The following ATP6V0D1 variants were observed in gnomAD, a reference collection of about 807,000 sequenced individuals.
The protein encoded by ATP6V0D1 is V-type proton ATPase subunit d 1.
Under a neutral mutation model 39.0 loss-of-function variants are expected in ATP6V0D1, and 13 were observed. The ratio of observed to expected loss-of-function variants is 0.33; its 90% CI spans 0.22 to 0.53. The LOEUF is 0.53. Ranked by LOEUF, ATP6V0D1 falls within the 20% of genes least tolerant of loss-of-function variation. ATP6V0D1 has a pLI of 0.94. For missense variants in ATP6V0D1, 272 were observed against 470.9 expected, an observed-to-expected ratio of 0.58 and a Z score of 3.91; for synonymous variants, 191 against 191.2, an observed-to-expected ratio of 1.00 and a Z score of 0.01.
At chr16:67,459,130 G>A (rs2041268654) in intron 1 of ATP6V0D1, 57 of 985,554 alleles carry the variant, frequency 5.8e-5, no homozygotes, top group Non-Finnish European at 6.6e-5. Context: ...AGTGCTACTT[G>A]CTGGCCAGAG....
In ATP6V0D1 at chr16:67,447,028, C is replaced by T. The variant is rs1281325391; in HGVS notation, c.303-2322G>A. ...GGGCCCCCTGCCTGGCTCTACATAC[C>T]CCACCTAGTCTCATTTTCTCAGAGG... On this transcript the variant is annotated intron_variant, in intron 2 of 7. Coordinates refer to ENST00000290949, the MANE Select transcript of ATP6V0D1 (RefSeq NM_004691.5). The surrounding 1 kb of genome is among the most constrained non-coding windows in gnomAD (Gnocchi z 4.1). 2.0e-5 allele frequency among the ~76,000 whole-genome samples: 3 copies of T among 152,138 alleles called. No individual in the cohort carries two copies. Among genetic ancestry groups the T allele is most frequent in the Non-Finnish European group, 2.9e-5 (2 of 68,024 alleles).
At chr16:67,465,546 G>A (rs2041322226) in intron 1 of ATP6V0D1, among the ~76,000 whole-genome samples, 1 of 152,204 alleles carries the variant, frequency 6.6e-6, no homozygotes, top group Non-Finnish European at 1.5e-5. Context: ...GCTCCTACTT[G>A]GAGCTCCCAA....
At chr16:67,471,652 T>C (rs750016518) in intron 1 of ATP6V0D1, among the ~76,000 whole-genome samples, 29 of 152,008 alleles carry the variant, frequency 1.9e-4, no homozygotes, top group Non-Finnish European at 3.5e-4. Context: ...TCAGAGCAAG[T>C]TTCTTTTTTA....
At chr16:67,454,345 C>G (rs993181863) in intron 1 of ATP6V0D1, among the ~76,000 whole-genome samples, 5 of 152,110 alleles carry the variant, frequency 3.3e-5, no homozygotes, top group African/African-American at 1.2e-4. Flanking sequence ...GGAGGTGAGG[C>G]TGGCAGGAAA....
intron 1 of ATP6V0D1, among the ~76,000 whole-genome samples, chr16:67,459,644 T>A (rs2041273762): frequency 6.6e-6 from 1 of 152,248 alleles, no homozygotes; most frequent in South Asian, 2.1e-4. Flanking sequence ...TGGGCAGCCC[T>A]GCCCCCGCCC....
chr16:67,449,515 G>T (rs182138252), intron 2 of ATP6V0D1, among the ~76,000 whole-genome samples: 13 of 152,370 alleles, frequency 8.5e-5, no homozygotes, highest in East Asian at 7.7e-4. Flanking sequence ...AACTGAGCCA[G>T]ATCCTCTCAA....
intron 1 of ATP6V0D1, among the ~76,000 whole-genome samples, chr16:67,476,350 G>A (rs1486537251): frequency 6.6e-6 from 1 of 151,876 alleles, no homozygotes; most frequent in East Asian, 1.9e-4. Flanking sequence ...GCATCAATAA[G>A]ATTAATCAAC....
chr16:67,441,595 C>T (rs1316105305), intron 4 of ATP6V0D1: 1 of 152,244 alleles, frequency 6.6e-6, no homozygotes, highest in Non-Finnish European at 1.5e-5. Context: ...TGCTCTCTCT[C>T]CTCTCAGCTA....
At position 67,477,289 on chromosome 16, in the gene ATP6V0D1, G is replaced by A. The variant is rs188588127; in HGVS notation, c.130+3668C>T. ...GAGAGAGTATCAACTGAAATGTATG[G>A]ATCATATTTGCATCCCAATTGAAAC... On this transcript the variant is annotated intron_variant, in intron 1 of 7. Transcript: ENST00000290949. Among the ~76,000 whole-genome samples, 4 of 152,186 alleles carry A rather than the reference G, an allele frequency of 2.6e-5. No individual in the cohort carries two copies. In the East Asian group the frequency reaches 7.7e-4, roughly 29 times the overall value.
At chr16:67,479,504 C>T (rs1342724860) in intron 1 of ATP6V0D1, among the ~76,000 whole-genome samples, 2 of 152,070 alleles carry the variant, frequency 1.3e-5, no homozygotes, top group South Asian at 2.1e-4. Flanking sequence ...TGAGCCACCG[C>T]GCCTGGCCTG....
chr16:67,439,792 C>T (rs1386955110), intron 4 of ATP6V0D1: 11 of 198,908 alleles, frequency 5.5e-5, no homozygotes, highest in Non-Finnish European at 1.0e-4. Context: ...GAGGCCAAGG[C>T]AGGTGGATCA....
chr16:67,438,789 T>C lies in ATP6V0D1; in HGVS notation c.894+4A>G, dbSNP rs759472919. The C allele has an allele frequency of 6.8e-6, 11 of 1,613,712 alleles. No homozygotes were observed. In the South Asian group the frequency reaches 1.1e-4, roughly 16 times the overall value. Reference sequence around the variant, plus strand: ...CCTCTGACAAGCAGACCCTGCAGACTCACCTCGTGCTCAAAGAATCGGTCC... The same window carrying C: ...CCTCTGACAAGCAGACCCTGCAGACCCACCTCGTGCTCAAAGAATCGGTCC... On this transcript the variant is annotated splice_donor_region_variant and intron_variant, in intron 7 of 7. Transcript: ENST00000290949.
At position 67,453,157 on chromosome 16, in the gene ATP6V0D1, T is replaced by C. The variant is rs560111463; in HGVS notation, c.302+387A>G. Reference sequence around the variant, plus strand: ...GGAGTGGGGCCTGGTGAGTGTTCTGTTTGGGTGCTGTAGGGTAAGAAAAAG... The same window carrying C: ...GGAGTGGGGCCTGGTGAGTGTTCTGCTTGGGTGCTGTAGGGTAAGAAAAAG... On this transcript the variant is annotated intron_variant, in intron 2 of 7. Transcript: ENST00000290949. This position sits in a 1 kb window ranked among gnomAD's most constrained non-coding sequence, Gnocchi z 4.1. Among the ~76,000 whole-genome samples the C allele has an allele frequency of 1.8e-4, 27 of 152,136 alleles. No homozygotes were observed. The highest frequency in any genetic ancestry group is 5.5e-4 in the African/African-American group (23 of 41,514).
At chr16:67,450,708 C>A (rs985810813) in intron 2 of ATP6V0D1, among the ~76,000 whole-genome samples, 15 of 152,072 alleles carry the variant, frequency 9.9e-5, no homozygotes, top group African/African-American at 3.4e-4. Context: ...TTAGGTCCCA[C>A]GAGATGTTTT....
intron 1 of ATP6V0D1, among the ~76,000 whole-genome samples, chr16:67,468,887 A>G (rs1188583998): frequency 6.6e-6 from 1 of 152,188 alleles, no homozygotes; most frequent in Non-Finnish European, 1.5e-5. Flanking sequence ...TAAACCCAAG[A>G]AAAAGTATAT....
chr16:67,449,877 A>G (rs924845848), intron 2 of ATP6V0D1, among the ~76,000 whole-genome samples: 5 of 152,204 alleles, frequency 3.3e-5, no homozygotes, highest in African/African-American at 4.8e-5. Context: ...AGCAGTGGAC[A>G]CTGTCTCTCA....
At chr16:67,475,647 C>T (rs2041408654) in intron 1 of ATP6V0D1, among the ~76,000 whole-genome samples, 1 of 152,158 alleles carries the variant, frequency 6.6e-6, no homozygotes, top group African/African-American at 2.4e-5. Flanking sequence ...GGTAGAGCTC[C>T]TATTCCAAAT....
chr16:67,439,229 A>G (rs200966320), intron 5 of ATP6V0D1, 45 bp downstream of exon 5: 133 of 1,613,904 alleles, frequency 8.2e-5, no homozygotes, highest in Non-Finnish European at 1.1e-4. Context: ...TCCCCAGGCC[A>G]GGGCTAGCGG....
chr16:67,452,440 G>T (rs1431932035), intron 2 of ATP6V0D1: 1 of 1,524,284 alleles, frequency 6.6e-7, no homozygotes, highest in East Asian at 2.4e-5. Context: ...CAGGGGATAA[G>T]AATCAGGCCA....
Sources: allele counts gnomAD v4.1 joint callset (sites outside exome capture counted in the v4.1 genomes callset), GRCh38; gene constraint gnomAD v4.1.1; non-coding constraint Gnocchi (gnomAD v3.1); transcripts MANE v1.5; gene names NCBI Gene and HGNC (gene_info 2026-07-23, HGNC 2026-07-21).